PLD5: variants seen among roughly 807,000 people sequenced by gnomAD.
The protein encoded by PLD5 is phospholipase D family member 5.
Under a neutral mutation model 61.1 loss-of-function variants are expected in PLD5, and 36 were observed. The ratio of observed to expected loss-of-function variants is 0.59; its 90% CI spans 0.45 to 0.78. The LOEUF (loss-of-function observed/expected upper bound fraction) is 0.78. Among genes scored for constraint, PLD5 ranks in the 30% least tolerant of loss-of-function variants. The pLI is 0.00. For synonymous variants in PLD5, 243 were observed against 242.8 expected, an observed-to-expected ratio of 1.00 and a Z score of -0.01; for missense variants, 515 against 644.4, an observed-to-expected ratio of 0.80 and a Z score of 2.17.
Position 242,294,847 on chromosome 1 carries a change from T to TA in PLD5, c.327-6318dup, listed in dbSNP as rs1486188723. 2.6e-5 allele frequency among the ~76,000 whole-genome samples: 4 copies of TA among 152,212 alleles called. No homozygotes were observed. The East Asian group carries it at 7.7e-4, about 29-fold the overall frequency. ...TTTCAAACTCATAAAGCACAGTTAC[T>TA]AAAATGCTTCTACATATACTGGCTA... On this transcript the variant is annotated intron_variant, in intron 2 of 9. Coordinates refer to ENST00000536534, the MANE Select transcript of PLD5 (RefSeq NM_001372062.1).
At chr1:242,453,776 CCTCT>C (rs1273626688) in intron 1 of PLD5, among the ~76,000 whole-genome samples, 2 of 152,168 alleles carry the variant, frequency 1.3e-5, no homozygotes, top group Non-Finnish European at 2.9e-5. Context: ...CCTGTCCACC[CCTCT>C]CTCATAAAAG....
chr1:242,208,083 G>A (rs1212656484), intron 5 of PLD5, among the ~76,000 whole-genome samples: 3 of 148,380 alleles, frequency 2.0e-5, no homozygotes, highest in African/African-American at 7.5e-5. Flanking sequence ...GTGCAGTGGT[G>A]TAATCATGGC....
intron 2 of PLD5, among the ~76,000 whole-genome samples, chr1:242,299,490 T>A (rs1439133169): frequency 6.6e-6 from 1 of 152,104 alleles, no homozygotes; most frequent in Non-Finnish European, 1.5e-5. Context: ...AGCTAGTGAG[T>A]GATGAAGCCC....
At chr1:242,215,530 T>A (rs1670128652) in intron 5 of PLD5, among the ~76,000 whole-genome samples, 1 of 152,176 alleles carries the variant, frequency 6.6e-6, no homozygotes, top group African/African-American at 2.4e-5. Context: ...ACATAAAACC[T>A]GCAGTTTTAT....
At chr1:242,394,798 ATG>A (rs778155451) in intron 1 of PLD5, among the ~76,000 whole-genome samples, 2 of 71,348 alleles carry the variant, frequency 2.8e-5, no homozygotes, top group African/African-American at 6.2e-5. Context: ...GTGAATATAT[ATG>A]TGTATATATG....
intron 1 of PLD5, among the ~76,000 whole-genome samples, chr1:242,420,055 T>C (rs1665054028): frequency 5.3e-5 from 8 of 152,194 alleles, no homozygotes. Context: ...CCAGGGCTCC[T>C]GATTCTTGCT....
At chr1:242,159,990 A>G (rs924296717) in intron 5 of PLD5, among the ~76,000 whole-genome samples, 1 of 151,950 alleles carries the variant, frequency 6.6e-6, no homozygotes, top group Non-Finnish European at 1.5e-5. Context: ...TAAAAATATT[A>G]GCTGAATTCT....
intron 1 of PLD5, among the ~76,000 whole-genome samples, chr1:242,497,657 C>T (rs1224084840): frequency 6.6e-6 from 1 of 152,226 alleles, no homozygotes; most frequent in East Asian, 1.9e-4. Flanking sequence ...CACACTGTTG[C>T]TGCAGAAATT....
At chr1:242,322,902 GTGTA>G (rs910965081) in intron 2 of PLD5, among the ~76,000 whole-genome samples, 5 of 152,086 alleles carry the variant, frequency 3.3e-5, no homozygotes, top group African/African-American at 1.2e-4. Flanking sequence ...ATATATATGT[GTGTA>G]TGTATGTATC....
intron 4 of PLD5, among the ~76,000 whole-genome samples, chr1:242,245,057 A>G (rs1193379617): frequency 6.6e-6 from 1 of 152,240 alleles, no homozygotes; most frequent in East Asian, 1.9e-4. Context: ...TGGGAGCCTC[A>G]GGCATGTGCC....
intron 1 of PLD5, among the ~76,000 whole-genome samples, chr1:242,407,674 G>T (rs140332276): frequency 0.04 from 6,056 of 151,730 alleles, 414 homozygotes; most frequent in African/African-American, 0.14. Context: ...CTGCCTATGG[G>T]GCTCAAGCGA....
At chr1:242,345,128 AT>A (rs1352098785) in intron 2 of PLD5, among the ~76,000 whole-genome samples, 1 of 152,152 alleles carries the variant, frequency 6.6e-6, no homozygotes, top group Non-Finnish European at 1.5e-5. Flanking sequence ...TGAGATTTGA[AT>A]GGGGCACAGC....
At chr1:242,216,779 G>A (rs541803264) in intron 5 of PLD5, among the ~76,000 whole-genome samples, 1 of 152,302 alleles carries the variant, frequency 6.6e-6, no homozygotes, top group East Asian at 1.9e-4. Flanking sequence ...GGGTCTGTGG[G>A]TCAGACCCCC....
chr1:242,109,117 G>A (rs1205448155), intron 7 of PLD5, among the ~76,000 whole-genome samples: 1 of 152,228 alleles, frequency 6.6e-6, no homozygotes, highest in Admixed American at 6.5e-5. Context: ...TCTGCCTCCA[G>A]TCATGTACTT....
chr1:242,276,703 C>T (rs1674434437), intron 3 of PLD5, among the ~76,000 whole-genome samples: 2 of 151,786 alleles, frequency 1.3e-5, no homozygotes, highest in Non-Finnish European at 2.9e-5. Flanking sequence ...TTCAGTGCCA[C>T]AGACCCAGCA....
intron 5 of PLD5, among the ~76,000 whole-genome samples, chr1:242,210,133 C>A (rs1278037195): frequency 6.6e-6 from 1 of 152,174 alleles, no homozygotes; most frequent in Non-Finnish European, 1.5e-5. Flanking sequence ...TAATGATGAA[C>A]CTCAGTGAGA....
intron 2 of PLD5, among the ~76,000 whole-genome samples, chr1:242,296,004 A>T (rs926520033): frequency 6.6e-6 from 1 of 152,236 alleles, no homozygotes; most frequent in Admixed American, 6.5e-5. Context: ...CAGCTCTGCC[A>T]GTTATGAGCT....
chr1:242,156,478 A>T (rs143087706), intron 5 of PLD5, among the ~76,000 whole-genome samples: 101 of 151,972 alleles, frequency 6.6e-4, no homozygotes, highest in Non-Finnish European at 1.3e-3. Flanking sequence ...ATGTTTTTGC[A>T]GTGGCTGGTA....
intron 2 of PLD5, among the ~76,000 whole-genome samples, chr1:242,297,283 G>T (rs1392540214): frequency 6.7e-6 from 1 of 148,782 alleles, no homozygotes; most frequent in Non-Finnish European, 1.5e-5. Flanking sequence ...GGCCGAGGTT[G>T]CAGTGAGCCA....
Sources: allele counts gnomAD v4.1 joint callset (sites outside exome capture counted in the v4.1 genomes callset), GRCh38; gene constraint gnomAD v4.1.1; transcripts MANE v1.5; gene names NCBI Gene and HGNC (gene_info 2026-07-23, HGNC 2026-07-21).